Variants in ATP5PB observed in about 807,000 individuals in gnomAD.
ATP5PB encodes the protein ATP synthase peripheral stalk-membrane subunit b.
In ATP5PB, 21 loss-of-function variants were observed where a neutral mutation model predicts 34.5. That is an observed-to-expected ratio of 0.61 (90% CI 0.43 to 0.88). The LOEUF (loss-of-function observed/expected upper bound fraction) is 0.88. Ranked by LOEUF, ATP5PB falls within the 40% of genes least tolerant of loss-of-function variation. ATP5PB has a pLI of 0.00. For synonymous variants in ATP5PB, 108 were observed against 114.1 expected (o/e 0.95, Z 0.34); for missense variants, 293 against 317.4 (o/e 0.92, Z 0.58).
rs1471376016 is a variant in ATP5PB at position 111,461,673 on chromosome 1, G to A, written c.*679G>A. 1 of 152,218 alleles carries A rather than the reference G, an allele frequency of 6.6e-6. No homozygotes were observed. The highest frequency in any genetic ancestry group is 1.9e-4 in the East Asian group (1 of 5,194). 9.4% of individuals were successfully genotyped at this position (152,218 alleles called of 1,614,324 possible). On this transcript the variant is annotated 3_prime_UTR_variant, in exon 7 of 7. Transcript: ENST00000369722. ...CCTGCACTTTGGAAGGCCGAGACAG[G>A]CGGATCACTTGAGGTCAGGAGTTTG...
At position 111,458,044 on chromosome 1, in the gene ATP5PB, A is replaced by G. The variant is rs191234441; in HGVS notation, c.513+1289A>G. Among the ~76,000 whole-genome samples, 216 of 150,120 alleles carry G rather than the reference A, an allele frequency of 1.4e-3. 1 individual carries two copies. Among genetic ancestry groups the G allele is most frequent in the Non-Finnish European group, 1.3e-3 (86 of 67,196 alleles). ...TTTATTGAGTTCTTCCTGTGTAGAT[A>G]TTCTGATCAAGGCAGAGTGCTGAAA... On this transcript the variant is annotated intron_variant, in intron 5 of 6. Coordinates refer to ENST00000369722, the MANE Select transcript of ATP5PB (RefSeq NM_001688.5).
At chr1:111,455,384 T>A (rs1199163851) in intron 3 of ATP5PB, among the ~76,000 whole-genome samples, 1 of 152,254 alleles carries the variant, frequency 6.6e-6, no homozygotes, top group Non-Finnish European at 1.5e-5. Context: ...GTTGTTCTTA[T>A]GATACATCCT....
intron 2 of ATP5PB, among the ~76,000 whole-genome samples, chr1:111,451,822 T>C (rs866278974): frequency 8.5e-5 from 13 of 152,126 alleles, no homozygotes; most frequent in African/African-American, 3.1e-4. Flanking sequence ...GATAAGGTTA[T>C]AAAATTTGGC....
intron 2 of ATP5PB, among the ~76,000 whole-genome samples, chr1:111,453,910 A>G (rs889280222): frequency 2.0e-5 from 3 of 152,250 alleles, no homozygotes; most frequent in Admixed American, 1.3e-4. Context: ...CGCCACGTCC[A>G]CATTCTTACA....
chr1:111,458,858 T>G (rs941803313), intron 5 of ATP5PB, among the ~76,000 whole-genome samples: 1 of 152,212 alleles, frequency 6.6e-6, no homozygotes, highest in Non-Finnish European at 1.5e-5. Flanking sequence ...TCCTAATTTC[T>G]GCCTCAGTTT....
Position 111,454,465 on chromosome 1 carries a change from G to GTTTTGTTTTGTTTTGTT in ATP5PB, c.223+111_223+112insTTGTTTTGTTTTGTTTT, listed in dbSNP as rs545170350. 8 of 1,377,476 alleles carry GTTTTGTTTTGTTTTGTT rather than the reference G, an allele frequency of 5.8e-6. No homozygotes were observed. In the African/African-American group the frequency reaches 1.3e-4, roughly 23 times the overall value. The allele number at this position is 1,377,476 out of a possible 1,614,324, so 85.3% of individuals were successfully genotyped here. A position where few individuals can be genotyped will look rare whatever the true frequency, so the allele number is the denominator to read the frequency against. ...TGTTGTTGTTGTTGTTGTTGTTGTT[G>GTTTTGTTTTGTTTTGTT]TTGTTTTTTGAGACAGGGTATTACT... On this transcript the variant is annotated intron_variant, in intron 3 of 6. Transcript: ENST00000369722.
intron 2 of ATP5PB, among the ~76,000 whole-genome samples, chr1:111,450,559 G>C (rs1272974555): frequency 6.6e-6 from 1 of 152,172 alleles, no homozygotes; most frequent in Non-Finnish European, 1.5e-5. Context: ...TGAGAATTAA[G>C]AGACAATTGC....
intron 3 of ATP5PB, among the ~76,000 whole-genome samples, chr1:111,455,084 A>G (rs1653434080): frequency 6.6e-6 from 1 of 152,148 alleles, no homozygotes; most frequent in Admixed American, 6.5e-5. Flanking sequence ...GATTCTCTCT[A>G]CTACATGTAC....
At chr1:111,450,293 TAAC>T (rs2101753159) in intron 2 of ATP5PB, among the ~76,000 whole-genome samples, 1 of 152,302 alleles carries the variant, frequency 6.6e-6, no homozygotes, top group South Asian at 2.1e-4. Flanking sequence ...TGCCATATGA[TAAC>T]AATCAGAGAA....
intron 2 of ATP5PB, among the ~76,000 whole-genome samples, chr1:111,452,939 AATGAAGGAATCTCAAGC>A (rs1165743734): frequency 6.6e-6 from 1 of 152,220 alleles, no homozygotes; most frequent in Non-Finnish European, 1.5e-5. Context: ...CCTTGATGTA[AATGAAGGAATCTCAAGC>A]ATGATTCTCA....
rs570647819 is a variant in ATP5PB at position 111,454,207 on chromosome 1, G to A, written c.78-4G>A. ...CTTTACATTTGTACAATTACTACCT[G>A]TAGGGTATTGCAGGCAACAAGGACC... On this transcript the variant is annotated splice_polypyrimidine_tract_variant and splice_region_variant and intron_variant, in intron 2 of 6. Transcript: ENST00000369722. 1.3e-6 allele frequency: 2 copies of A among 1,579,268 alleles called. No individual in the cohort carries two copies. Among genetic ancestry groups the A allele is most frequent in the Admixed American group, 3.9e-5 (2 of 51,220 alleles).
Position 111,461,170 on chromosome 1 carries a change from T to C in ATP5PB, c.*176T>C. ...GAAATCTCTATCGGCCAGTCAGATG[T>C]TTCTCATCCTTCTTGCTCTGCCTTT... On this transcript the variant is annotated 3_prime_UTR_variant, in exon 7 of 7. Transcript: ENST00000369722. 3.6e-6 allele frequency: 2 copies of C among 556,436 alleles called. No individual in the cohort carries two copies. Among genetic ancestry groups the C allele is most frequent in the Middle Eastern group, 5.0e-4 (1 of 1,990 alleles). The allele number at this position is 556,436 out of a possible 1,614,324, so 34.5% of individuals were successfully genotyped here. A position where few individuals can be genotyped will look rare whatever the true frequency, so the allele number is the denominator to read the frequency against.
At chr1:111,456,520 G>T in intron 4 of ATP5PB, 110 bp from the exon 5 acceptor site, 1 of 1,371,684 alleles carries the variant, frequency 7.3e-7, no homozygotes, top group African/African-American at 1.5e-5. Context: ...ATGTTTCTTT[G>T]TGGGTGTTTT....
intron 5 of ATP5PB, among the ~76,000 whole-genome samples, chr1:111,458,072 A>G (rs1653523590): frequency 6.6e-6 from 1 of 152,222 alleles, no homozygotes; most frequent in African/African-American, 2.4e-5. Flanking sequence ...TGCTGAAAAT[A>G]TAGTGGAGAA....
intron 2 of ATP5PB, among the ~76,000 whole-genome samples, chr1:111,453,521 A>C (rs1165468043): frequency 6.6e-6 from 1 of 152,142 alleles, no homozygotes; most frequent in Non-Finnish European, 1.5e-5. Flanking sequence ...CAAAATTAGA[A>C]CTAAGAATGG....
At chr1:111,454,623 TG>T (rs1460945399) in intron 3 of ATP5PB, among the ~76,000 whole-genome samples, 1 of 152,078 alleles carries the variant, frequency 6.6e-6, no homozygotes, top group Non-Finnish European at 1.5e-5. Context: ...TCTATTTTTT[TG>T]TAGAGACGGG....
chr1:111,449,476 G>A lies in ATP5PB; in HGVS notation c.-66G>A, dbSNP rs553921206. The A allele has an allele frequency of 2.5e-6, 4 of 1,614,180 alleles. No individual in the cohort carries two copies. The highest frequency in any genetic ancestry group is 3.3e-5 in the Admixed American group (2 of 60,022). The stretch of plus-strand genomic sequence containing the variant: ...ACTTGTGAGCGGCCATCTTGGTCCT[G>A]CCCTGACAGATTCTCCTATCGGGGT... On this transcript the variant is annotated 5_prime_UTR_variant, in exon 1 of 7. Coordinates refer to ENST00000369722, the MANE Select transcript of ATP5PB (RefSeq NM_001688.5).
At chr1:111,456,853 T>A in intron 5 of ATP5PB, 98 bp downstream of exon 5, 2 of 1,350,320 alleles carry the variant, frequency 1.5e-6, no homozygotes, top group Non-Finnish European at 1.9e-6. Flanking sequence ...AGATTGAACG[T>A]ATTTTATTTA....
rs374654547 is a variant in ATP5PB, at chr1:111,454,267, C to A, written c.134C>A (p.Pro45Gln). 1.9e-6 allele frequency: 3 copies of A among 1,612,978 alleles called. No homozygotes were observed. In the African/African-American group the frequency reaches 4.0e-5, roughly 22 times the overall value. Residue 45 changes from proline to glutamine, a missense_variant, in exon 3 of 7, where the codon CCA becomes CAA. Pro to Gln is a moderately conservative substitution (Grantham distance 76). Transcript: ENST00000369722. ...GGGCAGCCACACCTTGTCCCTGTAC[C>A]ACCTCTTCCTGAATACGGAGGAAAA... ...HTGQPHLVPV[P>Q]PLPEYGGKVR...
Sources: allele counts gnomAD v4.1 joint callset (sites outside exome capture counted in the v4.1 genomes callset), GRCh38; gene constraint gnomAD v4.1.1; transcripts MANE v1.5; gene names NCBI Gene and HGNC (gene_info 2026-07-23, HGNC 2026-07-21).